CSMD1: variants seen among roughly 807,000 people sequenced by gnomAD.
The protein encoded by CSMD1 is CUB and Sushi multiple domains 1.
Under a neutral mutation model 417.5 loss-of-function variants are expected in CSMD1, and 213 were observed. The observed-to-expected ratio is 0.51, with a 90% CI of 0.46 to 0.57. CSMD1 has a LOEUF of 0.57. Among genes scored for constraint, CSMD1 ranks in the 20% least tolerant of loss-of-function variants. The probability of loss-of-function intolerance (pLI) is 0.00; values close to 1 mark genes in which losing one functional copy is unlikely to be tolerated. For missense variants in CSMD1, 6,923 were observed against 4,529.7 expected (o/e 1.53, Z -15.17); for synonymous variants, 2,862 against 1,736.8 (o/e 1.65, Z -16.11).
At chr8:3,770,066 C>A (rs141591329) in intron 5 of CSMD1, among the ~76,000 whole-genome samples, 1 of 152,162 alleles carries the variant, frequency 6.6e-6, no homozygotes, top group Non-Finnish European at 1.5e-5. Flanking sequence ...GGAAGGCTTG[C>A]GTCTCTATTT....
At chr8:4,324,163 T>C (rs949148854) in intron 3 of CSMD1, among the ~76,000 whole-genome samples, 1 of 152,254 alleles carries the variant, frequency 6.6e-6, no homozygotes, top group Middle Eastern at 3.4e-3. Flanking sequence ...TGACAAACAG[T>C]GGAAATAGTA....
intron 2 of CSMD1, among the ~76,000 whole-genome samples, chr8:4,445,273 A>G (rs1585086873): frequency 6.6e-6 from 1 of 152,072 alleles, no homozygotes; most frequent in South Asian, 2.1e-4. Flanking sequence ...GTTCTCTGTC[A>G]TTACCTATGA....
chr8:3,060,737 T>C (rs79251038), intron 49 of CSMD1, among the ~76,000 whole-genome samples: 2,721 of 152,288 alleles, frequency 0.018, 43 homozygotes, highest in Non-Finnish European at 0.03. Flanking sequence ...CAGTTTTCAA[T>C]ATGATAGTAT....
rs555734505 is a variant in CSMD1, at chr8:4,009,095, G to A, written c.611-10985C>T. On this transcript the variant is annotated intron_variant, in intron 4 of 69. Coordinates refer to ENST00000635120, the MANE Select transcript of CSMD1 (RefSeq NM_033225.6). ...ATTCTGCATTTGAAGAAAATGTTGTGCAGTTAAAAAATGGTTGAACACCAC... is the reference window on the plus strand; with the variant it reads ...ATTCTGCATTTGAAGAAAATGTTGTACAGTTAAAAAATGGTTGAACACCAC... Among the ~76,000 whole-genome samples, 3 of 152,196 alleles carry A rather than the reference G, an allele frequency of 2.0e-5. No homozygotes were observed. In the South Asian group the frequency reaches 6.2e-4, roughly 32 times the overall value.
intron 3 of CSMD1, among the ~76,000 whole-genome samples, chr8:4,328,453 A>G (rs1309052954): frequency 1.3e-5 from 2 of 152,022 alleles, no homozygotes; most frequent in Non-Finnish European, 2.9e-5. Context: ...CGGTTGTCAC[A>G]CATAAGGTAA....
chr8:4,095,611 C>A (rs184674242), intron 3 of CSMD1, among the ~76,000 whole-genome samples: 6 of 152,246 alleles, frequency 3.9e-5, no homozygotes, highest in Admixed American at 2.6e-4. Flanking sequence ...GTAATGTGCA[C>A]CTGCAGAGCT....
intron 5 of CSMD1, among the ~76,000 whole-genome samples, chr8:3,771,521 C>T (rs1006682026): frequency 1.3e-5 from 2 of 152,124 alleles, no homozygotes; most frequent in Non-Finnish European, 2.9e-5. Flanking sequence ...GGAGCTTCTG[C>T]TCATTTGGGT....
intron 10 of CSMD1, among the ~76,000 whole-genome samples, chr8:3,533,437 T>C (rs769965583): frequency 1.7e-4 from 26 of 152,198 alleles, no homozygotes; most frequent in Non-Finnish European, 4.4e-5. Context: ...TCAGCGTCTA[T>C]GAGTTTAACT....
intron 26 of CSMD1, among the ~76,000 whole-genome samples, chr8:3,236,404 A>G (rs1799160184): frequency 6.6e-6 from 1 of 152,254 alleles, no homozygotes; most frequent in Admixed American, 6.5e-5. Flanking sequence ...AGAGTTAGCC[A>G]GATTGGACTA....
chr8:4,317,360 A>G (rs113411324), intron 3 of CSMD1, among the ~76,000 whole-genome samples: 102 of 152,318 alleles, frequency 6.7e-4, no homozygotes, highest in Non-Finnish European at 5.4e-4. Flanking sequence ...CGTCTGTGTT[A>G]TAAGCTGTGG....
intron 51 of CSMD1, among the ~76,000 whole-genome samples, chr8:3,028,076 A>G (rs1360755542): frequency 6.6e-6 from 1 of 152,230 alleles, no homozygotes; most frequent in Admixed American, 6.5e-5. Flanking sequence ...TCAGAGAGAC[A>G]AGAAAACGCT....
At chr8:3,845,405 T>A (rs1316400661) in intron 5 of CSMD1, among the ~76,000 whole-genome samples, 1 of 152,144 alleles carries the variant, frequency 6.6e-6, no homozygotes, top group Non-Finnish European at 1.5e-5. Flanking sequence ...AGGCAATGGT[T>A]ACACAGTGAT....
At chr8:3,860,353 A>G (rs1255977068) in intron 5 of CSMD1, among the ~76,000 whole-genome samples, 1 of 152,198 alleles carries the variant, frequency 6.6e-6, no homozygotes, top group South Asian at 2.1e-4. Flanking sequence ...GGGCAATTTC[A>G]GTTCATTTTT....
intron 6 of CSMD1, among the ~76,000 whole-genome samples, chr8:3,732,246 G>A (rs972768554): frequency 2.0e-5 from 3 of 152,038 alleles, no homozygotes; most frequent in Non-Finnish European, 4.4e-5. Context: ...CACCCTGCAG[G>A]GCAATTACTC....
At chr8:4,840,151 G>C (rs370837910) in intron 1 of CSMD1, among the ~76,000 whole-genome samples, 4 of 5,796 alleles carry the variant, frequency 6.9e-4, no homozygotes, top group African/African-American at 9.1e-4. Context: ...CTTTAAGGCT[G>C]TTATGCACAT....
At chr8:3,240,782 G>A (rs1435477906) in intron 26 of CSMD1, among the ~76,000 whole-genome samples, 3 of 152,154 alleles carry the variant, frequency 2.0e-5, no homozygotes, top group African/African-American at 7.2e-5. Flanking sequence ...GGGTGGATAG[G>A]CAAAACAATC....
intron 51 of CSMD1, among the ~76,000 whole-genome samples, chr8:3,023,558 T>C (rs138646059): frequency 7.9e-5 from 12 of 152,298 alleles, no homozygotes; most frequent in Non-Finnish European, 1.5e-4. Flanking sequence ...TAAGGGTGAC[T>C]ATGCTCTCCT....
chr8:3,743,834 G>T (rs1238462304), intron 6 of CSMD1, among the ~76,000 whole-genome samples: 5 of 152,088 alleles, frequency 3.3e-5, no homozygotes, highest in Non-Finnish European at 5.9e-5. Flanking sequence ...ATGCATATCT[G>T]CTTCCTCCTC....
At chr8:4,247,966 A>C (rs1802814197) in intron 3 of CSMD1, among the ~76,000 whole-genome samples, 1 of 152,144 alleles carries the variant, frequency 6.6e-6, no homozygotes, top group African/African-American at 2.4e-5. Context: ...CTTCTTTTGG[A>C]AATTGCTTCA....
Sources: allele counts gnomAD v4.1 joint callset (sites outside exome capture counted in the v4.1 genomes callset), GRCh38; gene constraint gnomAD v4.1.1; transcripts MANE v1.5; gene names NCBI Gene and HGNC (gene_info 2026-07-23, HGNC 2026-07-21).